Variants in PPEF1 observed in about 807,000 individuals in gnomAD.
The protein encoded by PPEF1 is protein phosphatase with EF-hand domain 1.
PPEF1 carries 12 observed loss-of-function variants against 53.3 expected under a neutral mutation model. The observed-to-expected ratio is 0.23, with a 90% CI of 0.14 to 0.36. The LOEUF (loss-of-function observed/expected upper bound fraction) is 0.36, where lower values mean the gene tolerates loss of function less well. Among genes scored for constraint, PPEF1 ranks in the 10% least tolerant of loss-of-function variants. The pLI, the probability that PPEF1 is intolerant of heterozygous loss-of-function variation, is 1.00. For synonymous variants in PPEF1, 165 were observed against 176.7 expected (o/e 0.93, Z 0.52); for missense variants, 334 against 490.4 (o/e 0.68, Z 3.01).
At chrX:18,692,112 C>A (rs970003343) in intron 4 of PPEF1, among the ~76,000 whole-genome samples, 1 of 112,005 alleles carries the variant, frequency 8.9e-6, no homozygotes, top group Non-Finnish European at 1.9e-5. Flanking sequence ...ACCTGATGAC[C>A]TATTTAATCT....
At chrX:18,753,542 G>A (rs1243493588) in intron 4 of PPEF1, among the ~76,000 whole-genome samples, 1 of 111,352 alleles carries the variant, frequency 9.0e-6, no homozygotes, top group Admixed American at 9.6e-5. Context: ...TATTAAGTTA[G>A]TTTATTGATT....
chrX:18,738,370 T>A (rs1193998953), intron 3 of PPEF1, among the ~76,000 whole-genome samples: 2 of 111,795 alleles, frequency 1.8e-5, no homozygotes, highest in Admixed American at 1.9e-4. Context: ...ATTTTGTTTC[T>A]CCTTCACTTA....
intron 12 of PPEF1, among the ~76,000 whole-genome samples, chrX:18,811,615 ATT>A (rs772854787): frequency 0.027 from 218 of 8,067 alleles, no homozygotes; most frequent in South Asian, 0.078. Context: ...ATATATATAT[ATT>A]TTTTTTTTTT....
At chrX:18,706,818 CTTTTTTT>C (rs767459911), upstream of PPEF1, among the ~76,000 whole-genome samples, 1 of 46,299 alleles carries the variant, frequency 2.2e-5, no homozygotes, top group Non-Finnish European at 4.1e-5. Flanking sequence ...TTCAAACCTC[CTTTTTTT>C]TTTTTTTTTT....
Position 18,818,140 on chromosome X carries a change from A to G in PPEF1, c.1496A>G (p.Lys499Arg), listed in dbSNP as rs2046958095. The change falls in exon 13 of 16, where the codon AAA becomes AGA. Residue 499 changes from lysine to arginine, a missense_variant. Physicochemically the swap from Lys to Arg is conservative, Grantham distance 26. Transcript: ENST00000470157. ...TRAFQLQDHR[K>R]SGKLSVSQWA... ...GCTTTCCAACTTCAAGACCACAGAA[A>G]ATCAGGTAACAAATTTGCATAACAT... 1 of 1,175,393 alleles carries G rather than the reference A, an allele frequency of 8.5e-7. No individual in the cohort carries two copies. The highest frequency in any genetic ancestry group is 1.8e-5 in the South Asian group (1 of 54,700).
chrX:18,757,753 A>T lies in PPEF1; in HGVS notation c.511+12A>T. On this transcript the variant is annotated intron_variant, in intron 5 of 15. Coordinates refer to ENST00000470157, the MANE Select transcript of PPEF1 (RefSeq NM_001377996.1). Reference sequence around the variant, plus strand: ...GGTAACAATCTGTGGTAAGTTTCAGAGCAGAGTTGTCCAATTAATATTTAG... The same window carrying T: ...GGTAACAATCTGTGGTAAGTTTCAGTGCAGAGTTGTCCAATTAATATTTAG... The T allele has an allele frequency of 8.7e-7, 1 of 1,151,134 alleles. No individual in the cohort carries two copies. The highest frequency in any genetic ancestry group is 1.2e-6 in the Non-Finnish European group (1 of 840,933). 94.9% of individuals were successfully genotyped at this position (1,151,134 alleles called of 1,213,427 possible). A position where few individuals can be genotyped will look rare whatever the true frequency, so the allele number is the denominator to read the frequency against.
In PPEF1 at chrX:18,799,013, G is replaced by A. The variant is rs928068009; in HGVS notation, c.1066-4879G>A. ...AGCACTTTGGGAGGCCGAGGCAGGCGGATCACAAGGTCAGGAGTTCCAGAC... is the reference window on the plus strand; with the variant it reads ...AGCACTTTGGGAGGCCGAGGCAGGCAGATCACAAGGTCAGGAGTTCCAGAC... On this transcript the variant is annotated intron_variant, in intron 10 of 15. Coordinates refer to ENST00000470157, the MANE Select transcript of PPEF1 (RefSeq NM_001377996.1). 8.1e-5 allele frequency among the ~76,000 whole-genome samples: 9 copies of A among 111,412 alleles called. No homozygotes were observed. In the South Asian group the frequency reaches 1.5e-3, roughly 19 times the overall value.
intron 10 of PPEF1, among the ~76,000 whole-genome samples, chrX:18,795,768 A>C (rs965296288): frequency 4.5e-5 from 5 of 112,149 alleles, no homozygotes; most frequent in African/African-American, 1.6e-4. Context: ...GACGTAGATA[A>C]TATTATTCCT....
intron 4 of PPEF1, among the ~76,000 whole-genome samples, chrX:18,756,562 G>C: frequency 8.9e-6 from 1 of 112,128 alleles, no homozygotes; most frequent in Non-Finnish European, 1.9e-5. Flanking sequence ...TTTTATTCAA[G>C]TGGTTATTTA....
chrX:18,745,218 A>G (rs2045305536), intron 3 of PPEF1, among the ~76,000 whole-genome samples: 1 of 94,110 alleles, frequency 1.1e-5, no homozygotes, highest in African/African-American at 3.9e-5. Flanking sequence ...TTATATATAT[A>G]TATATTTATT....
At chrX:18,817,022 A>T (rs1257062979) in intron 12 of PPEF1, among the ~76,000 whole-genome samples, 1 of 108,983 alleles carries the variant, frequency 9.2e-6, no homozygotes, top group African/African-American at 3.4e-5. Flanking sequence ...CCATTCTCAT[A>T]TGATGTTATT....
intron 3 of PPEF1, among the ~76,000 whole-genome samples, chrX:18,749,217 C>G (rs931910437): frequency 1.8e-5 from 2 of 111,479 alleles, no homozygotes; most frequent in Non-Finnish European, 3.8e-5. Flanking sequence ...TGTGATTTGT[C>G]CTTTAACTTT....
intron 3 of PPEF1, among the ~76,000 whole-genome samples, chrX:18,744,075 A>T (rs1465393628): frequency 1.8e-5 from 2 of 108,398 alleles, no homozygotes; most frequent in African/African-American, 6.7e-5. Context: ...TTTTTAGTAG[A>T]TACGGGGTTT....
chrX:18,676,937 A>T (rs922450751), intron 1 of PPEF1, among the ~76,000 whole-genome samples: 1 of 110,752 alleles, frequency 9.0e-6, no homozygotes, highest in Admixed American at 9.6e-5. Context: ...CGACACAGGT[A>T]TCTGCCTTTG....
At chrX:18,757,921 A>G (rs948020351) in intron 5 of PPEF1, among the ~76,000 whole-genome samples, 180 bp downstream of exon 5, 4 of 112,238 alleles carry the variant, frequency 3.6e-5, no homozygotes. Flanking sequence ...AGCTGGCAGG[A>G]ATTAATTATG....
chrX:18,755,013 G>T (rs761419740), intron 4 of PPEF1, among the ~76,000 whole-genome samples: 30 of 111,395 alleles, frequency 2.7e-4, no homozygotes, highest in Non-Finnish European at 4.5e-4. Context: ...GACCTGTAGG[G>T]TATTTGGTTA....
At chrX:18,683,996 A>G (rs1242836050) in intron 1 of PPEF1, among the ~76,000 whole-genome samples, 2 of 112,132 alleles carry the variant, frequency 1.8e-5, no homozygotes, top group East Asian at 5.6e-4. Context: ...GAGGAAAAAT[A>G]CAGATCCTAC....
intron 12 of PPEF1, among the ~76,000 whole-genome samples, chrX:18,815,446 G>T (rs1412849579): frequency 8.9e-6 from 1 of 112,158 alleles, no homozygotes. Context: ...ATTCACCAGT[G>T]AAGCCATCTG....
chrX:18,822,371 T>C (rs1254243373), intron 13 of PPEF1, among the ~76,000 whole-genome samples: 1 of 107,801 alleles, frequency 9.3e-6, no homozygotes, highest in African/African-American at 3.4e-5. Context: ...AAAAAAAGAC[T>C]AGTTTTGGAG....
Sources: gnomAD v4.1 joint callset for allele counts (sites outside exome capture counted in the v4.1 genomes callset) on GRCh38, gnomAD v4.1.1 for gene constraint, MANE v1.5 for transcripts, NCBI Gene and HGNC (gene_info 2026-07-23, HGNC 2026-07-21) for gene names.